DOCK3: variants seen among roughly 807,000 people sequenced by gnomAD.
DOCK3 encodes dedicator of cytokinesis protein 3.
DOCK3 carries 60 observed loss-of-function variants against 265.6 expected under a neutral mutation model. The observed-to-expected ratio is 0.23, with a 90% CI of 0.18 to 0.28. DOCK3 has a LOEUF of 0.28. Among genes scored for constraint, DOCK3 ranks in the 10% least tolerant of loss-of-function variants. The pLI, the probability that DOCK3 is intolerant of heterozygous loss-of-function variation, is 1.00. For synonymous variants in DOCK3, 881 were observed against 938.0 expected (o/e 0.94, Z 1.11); for missense variants, 1,981 against 2,594.3 (o/e 0.76, Z 5.14).
At chr3:51,030,550 T>C (rs1221617316) in intron 5 of DOCK3, among the ~76,000 whole-genome samples, 4 of 152,174 alleles carry the variant, frequency 2.6e-5, no homozygotes, top group Admixed American at 1.3e-4. Context: ...TTGTTTACTG[T>C]GTGTTGTTTA....
chr3:50,678,884 A>G (rs920430369), intron 1 of DOCK3, among the ~76,000 whole-genome samples: 15 of 151,658 alleles, frequency 9.9e-5, no homozygotes, highest in Non-Finnish European at 1.5e-5. Flanking sequence ...ATCTCGGCTC[A>G]CTGCAAGCTC....
chr3:51,255,838 T>C (rs961294730), intron 22 of DOCK3, among the ~76,000 whole-genome samples: 6 of 152,230 alleles, frequency 3.9e-5, no homozygotes, highest in Non-Finnish European at 2.9e-5. Flanking sequence ...AAGTTTGTTA[T>C]TACCGATAGT....
chr3:51,104,623 G>A (rs1399433990), intron 9 of DOCK3, among the ~76,000 whole-genome samples: 1 of 152,108 alleles, frequency 6.6e-6, no homozygotes, highest in Non-Finnish European at 1.5e-5. Context: ...CAATTTTAGT[G>A]GGATTGTGGA....
chr3:51,322,821 A>G (rs1238595323), intron 32 of DOCK3, among the ~76,000 whole-genome samples: 4 of 152,226 alleles, frequency 2.6e-5, no homozygotes, highest in Admixed American at 6.5e-5. Flanking sequence ...TTAAATGTAA[A>G]TGGGCTAAAT....
chr3:50,820,143 C>T (rs930967091), intron 2 of DOCK3, among the ~76,000 whole-genome samples: 1 of 152,150 alleles, frequency 6.6e-6, no homozygotes, highest in Admixed American at 6.5e-5. Context: ...CTCAGGCAGC[C>T]CATGCCGCTG....
At chr3:50,981,576 G>T (rs750207904) in intron 5 of DOCK3, among the ~76,000 whole-genome samples, 7 of 152,290 alleles carry the variant, frequency 4.6e-5, no homozygotes, top group Non-Finnish European at 4.4e-5. Context: ...ATTGGAGTCT[G>T]CTGTTTCTTT....
At chr3:50,744,372 G>A (rs946074989) in intron 1 of DOCK3, among the ~76,000 whole-genome samples, 4 of 151,314 alleles carry the variant, frequency 2.6e-5, no homozygotes, top group East Asian at 1.9e-4. Context: ...TTGCCCCTAT[G>A]TTTTCTTCTA....
intron 2 of DOCK3, among the ~76,000 whole-genome samples, chr3:50,807,842 C>T (rs1576497242): frequency 6.6e-6 from 1 of 152,116 alleles, no homozygotes; most frequent in African/African-American, 2.4e-5. Context: ...TTGGCCTTCT[C>T]GTGTTCAAGC....
chr3:51,047,577 A>G lies in DOCK3; in HGVS notation c.316-16871A>G, dbSNP rs116122030. Among the ~76,000 whole-genome samples the G allele has an allele frequency of 7.7e-3, 1,168 of 152,270 alleles. 18 individuals carry two copies. The highest frequency in any genetic ancestry group is 0.027 in the African/African-American group (1,123 of 41,568). ...ATTCAGAACTGAAAGAAGAGACATT[A>G]CAGCTGATGCCACAGAAATGATGGA... On this transcript the variant is annotated intron_variant, in intron 5 of 52. Transcript: ENST00000266037.
chr3:51,362,854 T>C (rs912112550), intron 49 of DOCK3, among the ~76,000 whole-genome samples, 180 bp downstream of exon 49: 1 of 152,234 alleles, frequency 6.6e-6, no homozygotes, highest in Non-Finnish European at 1.5e-5. Context: ...CCTGGCTGGC[T>C]TCAGACTCCG....
intron 9 of DOCK3, among the ~76,000 whole-genome samples, chr3:51,129,546 T>C (rs888447182): frequency 1.3e-5 from 2 of 152,238 alleles, no homozygotes; most frequent in Admixed American, 6.5e-5. Context: ...CTGCTGTGTA[T>C]GATCCCCTTT....
chr3:51,373,462 T>C (rs554138538), intron 49 of DOCK3, among the ~76,000 whole-genome samples: 8 of 152,342 alleles, frequency 5.3e-5, no homozygotes, highest in African/African-American at 1.7e-4. Context: ...GATATGCTGG[T>C]ATCTGGTACA....
chr3:50,759,618 G>A (rs1051824615), intron 1 of DOCK3, among the ~76,000 whole-genome samples: 3 of 150,000 alleles, frequency 2.0e-5, no homozygotes, highest in East Asian at 3.9e-4. Context: ...CAGGAGGACT[G>A]CTTGAGCCCA....
intron 2 of DOCK3, chr3:50,786,670 A>G: frequency 1.6e-6 from 1 of 628,598 alleles, no homozygotes; most frequent in Non-Finnish European, 3.0e-6. Context: ...ATGATTTATG[A>G]AATCTTTTGC....
chr3:50,878,304 C>T (rs994546951), intron 3 of DOCK3, among the ~76,000 whole-genome samples: 6 of 152,102 alleles, frequency 3.9e-5, no homozygotes, highest in Admixed American at 2.0e-4. Context: ...AAGAAGGCTT[C>T]GGACGATTGG....
At chr3:50,902,245 A>G (rs1425297542) in intron 4 of DOCK3, among the ~76,000 whole-genome samples, 1 of 152,130 alleles carries the variant, frequency 6.6e-6, no homozygotes. Context: ...CATTTTTGTC[A>G]TGAAATCTTT....
At chr3:50,945,114 C>G (rs9820588) in intron 5 of DOCK3, among the ~76,000 whole-genome samples, 1 of 152,090 alleles carries the variant, frequency 6.6e-6, no homozygotes, top group African/African-American at 2.4e-5. Context: ...TAAGGATAAA[C>G]TAAAAGGTAA....
At chr3:51,292,526 C>A (rs1456409144) in intron 27 of DOCK3, among the ~76,000 whole-genome samples, 1 of 152,078 alleles carries the variant, frequency 6.6e-6, no homozygotes, top group Non-Finnish European at 1.5e-5. Context: ...AATACCAGCA[C>A]TTTGGGAGGC....
intron 2 of DOCK3, among the ~76,000 whole-genome samples, chr3:50,822,717 T>G (rs1013531378): frequency 6.6e-6 from 1 of 152,130 alleles, no homozygotes; most frequent in Non-Finnish European, 1.5e-5. Context: ...GGTACCATAC[T>G]CCTGGGCTCA....
Sources: gnomAD v4.1 joint callset for allele counts (sites outside exome capture counted in the v4.1 genomes callset) on GRCh38, gnomAD v4.1.1 for gene constraint, MANE v1.5 for transcripts, NCBI Gene and HGNC (gene_info 2026-07-23, HGNC 2026-07-21) for gene names.